The following ABR variants were observed in gnomAD, a reference collection of about 807,000 sequenced individuals.
ABR encodes the protein ABR activator of RhoGEF and GTPase.
Under a neutral mutation model 107.2 loss-of-function variants are expected in ABR, and 35 were observed. The ratio of observed to expected loss-of-function variants is 0.33; its 90% confidence interval spans 0.25 to 0.43. The LOEUF (loss-of-function observed/expected upper bound fraction) is 0.43, where lower values mean the gene tolerates loss of function less well. ABR is among the 20% of genes least tolerant of loss of function. The pLI is 1.00. For synonymous variants in ABR, 498 were observed against 462.0 expected, an observed-to-expected ratio of 1.08 and a Z score of -1.00; for missense variants, 815 against 1,115.2, an observed-to-expected ratio of 0.73 and a Z score of 3.83.
At chr17:1,108,817 C>CGCGGA in intron 2 of ABR, 3 of 1,333,476 alleles carry the variant, frequency 2.2e-6, no homozygotes, top group Non-Finnish European at 2.9e-6. Context: ...CCGGGACCCT[C>CGCGGA]CGCCGAGGGC....
intron 2 of ABR, among the ~76,000 whole-genome samples, chr17:1,106,288 T>G (rs1443490537): frequency 1.3e-5 from 2 of 152,130 alleles, no homozygotes; most frequent in Non-Finnish European, 1.5e-5. Context: ...AACTGCTGCT[T>G]AAGGTAAGTA....
At chr17:1,151,754 G>A (rs1018028861) in intron 1 of ABR, among the ~76,000 whole-genome samples, 1 of 152,212 alleles carries the variant, frequency 6.6e-6, no homozygotes, top group Non-Finnish European at 1.5e-5. Context: ...CGGCTCTTCT[G>A]CAAAACAGGA....
upstream of ABR, among the ~76,000 whole-genome samples, chr17:1,191,951 C>T (rs1390648612): frequency 1.3e-5 from 2 of 152,010 alleles, no homozygotes; most frequent in Non-Finnish European, 2.9e-5. Flanking sequence ...GCTGCTGGTT[C>T]TGCCACTAAC....
intron 1 of ABR, among the ~76,000 whole-genome samples, chr17:1,226,767 C>G (rs58665141): frequency 0.15 from 23,071 of 149,428 alleles, 2,709 homozygotes; most frequent in African/African-American, 0.33. Context: ...CGTGTGTGTG[C>G]ATGCATGTGA....
upstream of ABR, among the ~76,000 whole-genome samples, chr17:1,180,044 C>CG (rs2042075675): frequency 6.0e-4 from 6 of 9,958 alleles, no homozygotes; most frequent in South Asian, 0.014. Context: ...GGTGCGGGGG[C>CG]GGGGCTTTGG....
intron 1 of ABR, chr17:1,185,189 C>T (rs974804676): frequency 6.6e-6 from 1 of 152,142 alleles, no homozygotes; most frequent in African/African-American, 2.4e-5. Flanking sequence ...ACTGGTATCC[C>T]AAGAAAACCA....
chr17:1,004,252 T>G lies in ABR; in HGVS notation c.*1828A>C, dbSNP rs1404240785. ...ACCGCCTTTCCCAGGGAGCAAGGGC[T>G]CCTTGCTAAGCTGCTCACAGGCAGC... On this transcript the variant is annotated 3_prime_UTR_variant, in exon 23 of 23. Coordinates refer to ENST00000302538, the MANE Select transcript of ABR (RefSeq NM_021962.5). The G allele has an allele frequency of 6.6e-6, 1 of 152,344 alleles. No homozygotes were observed. Among genetic ancestry groups the G allele is most frequent in the African/African-American group, 2.4e-5 (1 of 41,470 alleles). 9.4% of individuals were successfully genotyped at this position (152,344 alleles called of 1,614,324 possible).
chr17:1,203,385 AGGGGGCGGGGCCCGCG>A (rs1408655634), intron 1 of ABR, among the ~76,000 whole-genome samples: 7 of 13,134 alleles, frequency 5.3e-4, no homozygotes, highest in East Asian at 2.5e-3. Context: ...CGGGGCCTTG[AGGGGGCGGGGCCCGCG>A]GGGGGCGGAG....
intron 9 of ABR, 39 bp from the exon 10 acceptor site, chr17:1,067,281 C>A: frequency 6.6e-7 from 1 of 1,523,952 alleles, no homozygotes; most frequent in South Asian, 1.3e-5. Context: ...CCAGAGGGAG[C>A]CTGGCTCTTC....
Position 1,179,645 on chromosome 17 carries a change from C to T in ABR, c.61+22G>A, listed in dbSNP as rs2042052256. ...GGTCCCGATCCCGATCCTGGGGTCC[C>T]GCCCCCGCCCGGCACACGTACTGCT... is the stretch of plus-strand genomic sequence containing the variant. On this transcript the variant is annotated intron_variant, in intron 1 of 22. Coordinates refer to ENST00000302538, the MANE Select transcript of ABR (RefSeq NM_021962.5). This position sits in a 1 kb window ranked among gnomAD's most constrained non-coding sequence, Gnocchi z 4.9. The T allele has an allele frequency of 2.0e-6, 3 of 1,515,792 alleles. No homozygotes were observed. The highest frequency in any genetic ancestry group is 2.7e-6 in the Non-Finnish European group (3 of 1,130,826). The allele number at this position is 1,515,792 out of a possible 1,614,324, so 93.9% of individuals were successfully genotyped here.
In ABR at chr17:1,027,156, T is replaced by C. The variant is rs1304453664; in HGVS notation, c.1792-13992A>G. On this transcript the variant is annotated intron_variant, in intron 16 of 22. Coordinates refer to ENST00000302538, the MANE Select transcript of ABR (RefSeq NM_021962.5). The surrounding 1 kb of genome is among the most constrained non-coding windows in gnomAD (Gnocchi z 4.7). ...CAGCAACACTGGGCTCAGGCAGCTTTGGCCTTTGAGGAACCCCCTTGATTG... is the reference window on the plus strand; with the variant it reads ...CAGCAACACTGGGCTCAGGCAGCTTCGGCCTTTGAGGAACCCCCTTGATTG... Among the ~76,000 whole-genome samples the C allele has an allele frequency of 6.6e-6, 1 of 152,240 alleles. No homozygotes were observed. The highest frequency in any genetic ancestry group is 2.4e-5 in the African/African-American group (1 of 41,464).
chr17:1,166,066 C>T (rs2041494482), intron 1 of ABR, among the ~76,000 whole-genome samples: 3 of 151,420 alleles, frequency 2.0e-5, no homozygotes, highest in Non-Finnish European at 2.9e-5. Context: ...CCCCCGCCCC[C>T]GGAGTGTCCG....
upstream of ABR, among the ~76,000 whole-genome samples, chr17:1,182,618 G>C (rs1479160006): frequency 6.6e-6 from 1 of 152,028 alleles, no homozygotes; most frequent in Non-Finnish European, 1.5e-5. Context: ...CGCCCGCCTC[G>C]GCCTCCCAAA....
intron 1 of ABR, among the ~76,000 whole-genome samples, chr17:1,202,889 CT>C (rs11403936): frequency 4.1e-5 from 6 of 145,152 alleles, no homozygotes; most frequent in Non-Finnish European, 4.5e-5. Context: ...TTTGCCATTA[CT>C]TTTTTTTTTT....
rs1383622318 is a variant in ABR at position 1,138,835 on chromosome 17, C to T, written c.62-13468G>A. On this transcript the variant is annotated intron_variant, in intron 1 of 22. Transcript: ENST00000302538. ...TGTACTGTTGCAGGAAACTGAGGACCGGAGAGACCGATATGGAGAAGGGAA... is the reference window on the plus strand; with the variant it reads ...TGTACTGTTGCAGGAAACTGAGGACTGGAGAGACCGATATGGAGAAGGGAA... Among the ~76,000 whole-genome samples, 6 of 152,130 alleles carry T rather than the reference C, an allele frequency of 3.9e-5. No homozygotes were observed. In the South Asian group the frequency reaches 1.0e-3, roughly 26 times the overall value.
chr17:1,153,874 C>T, intron 1 of ABR: 1 of 203,800 alleles, frequency 4.9e-6, no homozygotes, highest in South Asian at 5.9e-5. Context: ...GGTGAGAAAA[C>T]CTCGCCCGGC....
chr17:1,125,310 G>T lies in ABR; in HGVS notation c.119C>A (p.Pro40His). The T allele has an allele frequency of 6.2e-7, 1 of 1,613,982 alleles. No homozygotes were observed. Among genetic ancestry groups the T allele is most frequent in the South Asian group, 1.1e-5 (1 of 91,088 alleles). ...CGGCATGGTCTCTGAGCCCTCCGGGGGCCCCTTCTGCTCCTCATTCCCCTC... is the reference window on the plus strand; with the variant it reads ...CGGCATGGTCTCTGAGCCCTCCGGGTGCCCCTTCTGCTCCTCATTCCCCTC... ...DGEGNEEQKGPPEGSETMPYI... is the reference protein window; with the variant it reads ...DGEGNEEQKGHPEGSETMPYI... The change falls in exon 2 of 23, where the codon CCC (proline) becomes CAC (histidine). Residue 40 changes from proline (P) to histidine (H), a missense_variant. By Grantham distance (77) the Pro-to-His change is moderately conservative (BLOSUM62 -2). Transcript: ENST00000302538.
chr17:1,029,465 C>T (rs2072530849), intron 16 of ABR, among the ~76,000 whole-genome samples: 1 of 152,150 alleles, frequency 6.6e-6, no homozygotes, highest in South Asian at 2.1e-4. Context: ...AGTCACGCCC[C>T]GCCTCCAGCC....
At chr17:1,055,850 G>A in intron 14 of ABR, 185 bp downstream of exon 14, 1 of 582,520 alleles carries the variant, frequency 1.7e-6, no homozygotes, top group South Asian at 2.2e-5. Context: ...CAGCTTCAGG[G>A]AGGGCTTGAG....
Sources: allele counts gnomAD v4.1 joint callset (sites outside exome capture counted in the v4.1 genomes callset), GRCh38; gene constraint gnomAD v4.1.1; non-coding constraint Gnocchi (gnomAD v3.1); transcripts MANE v1.5; gene names NCBI Gene and HGNC (gene_info 2026-07-23, HGNC 2026-07-21).